TRIL: variants seen among roughly 807,000 people sequenced by gnomAD.
TRIL encodes the protein TLR4 interactor with leucine rich repeats.
In TRIL, 23 loss-of-function variants were observed where a neutral mutation model predicts 43.0. The observed-to-expected ratio is 0.54, with a 90% CI of 0.39 to 0.76. The LOEUF is 0.76. Ranked by LOEUF, TRIL falls within the 30% of genes least tolerant of loss-of-function variation. The probability of loss-of-function intolerance (pLI) is 0.00; values close to 1 mark genes in which losing one functional copy is unlikely to be tolerated. For synonymous variants in TRIL, 602 were observed against 556.8 expected, an observed-to-expected ratio of 1.08 and a Z score of -1.14; for missense variants, 1,114 against 1,139.3, an observed-to-expected ratio of 0.98 and a Z score of 0.32.
chr7:28,958,068 C>A lies in TRIL; in HGVS notation c.-22G>T. 2 of 1,477,596 alleles carry A rather than the reference C, an allele frequency of 1.4e-6. No individual in the cohort carries two copies. The highest frequency in any genetic ancestry group is 2.8e-5 in the South Asian group (2 of 70,964). 91.5% of individuals were successfully genotyped at this position (1,477,596 alleles called of 1,614,324 possible). A position where few individuals can be genotyped will look rare whatever the true frequency, so the allele number is the denominator to read the frequency against. On this transcript the variant is annotated 5_prime_UTR_variant, in exon 1 of 1. Coordinates refer to ENST00000539664, the MANE Select transcript of TRIL (RefSeq NM_014817.4). Reference sequence around the variant, plus strand: ...CCATCGCCTCCCGCCCTGCGTGCAGCGGCCGGATCGTCCTCTTGGCCCGCC... The same window carrying A: ...CCATCGCCTCCCGCCCTGCGTGCAGAGGCCGGATCGTCCTCTTGGCCCGCC...
Position 28,957,327 on chromosome 7 carries a change from G to A in TRIL, c.720C>T (p.Asn240=), listed in dbSNP as rs1332934277. ...AGATGCGCGGCCCGAGGTGCTGCAG[G>A]TTGTTGGCCGAGAGGATGAGGGAGG... ...SLSSLILSAN[N]LQHLGPRIFQ... is the part of the protein sequence containing the mutation. The change falls in exon 1 of 1, where the codon AAC becomes AAT. Residue 240 remains asparagine, a synonymous_variant. Transcript: ENST00000539664. 1.9e-6 allele frequency: 3 copies of A among 1,612,380 alleles called. No homozygotes were observed. Among genetic ancestry groups the A allele is most frequent in the Non-Finnish European group, 2.5e-6 (3 of 1,179,700 alleles).
chr7:28,957,148 A>G lies in TRIL; in HGVS notation c.899T>C (p.Leu300Pro), dbSNP rs773979253. 1 of 1,587,320 alleles carries G rather than the reference A, an allele frequency of 6.3e-7. No individual in the cohort carries two copies. The highest frequency in any genetic ancestry group is 8.5e-7 in the Non-Finnish European group (1 of 1,169,944). ...CAGGTCCAGCGCCTCCAGGCTGTGC[A>G]GAGGCTCCAGCAGCGCAGTTGGCAG... is the stretch of plus-strand genomic sequence containing the variant. ...SQLPTALLEPLHSLEALDLSG... is the reference protein window; with the variant it reads ...SQLPTALLEPPHSLEALDLSG... Residue 300 changes from leucine (L) to proline (P), a missense_variant, in exon 1 of 1, where the codon CTG becomes CCG. Transcript: ENST00000539664.
rs1456429381 is a variant in TRIL, at chr7:28,953,417, A to G, written c.*2194T>C. 6.6e-6 allele frequency: 1 copy of G among 152,634 alleles called. No homozygotes were observed. The highest frequency in any genetic ancestry group is 2.4e-5 in the African/African-American group (1 of 41,444). 9.5% of individuals were successfully genotyped at this position (152,634 alleles called of 1,614,324 possible). ...ACATAACAATGTATAACATTTATTC[A>G]TCTCCCACTGAAAGACTTCCCAGTG... On this transcript the variant is annotated 3_prime_UTR_variant, in exon 1 of 1. Coordinates refer to ENST00000539664, the MANE Select transcript of TRIL (RefSeq NM_014817.4).
Position 28,955,810 on chromosome 7 carries a change from C to A in TRIL, c.2237G>T (p.Arg746Leu). Residue 746 changes from arginine to leucine, a missense_variant, in exon 1 of 1, where the codon CGG becomes CTG. Transcript: ENST00000539664. Reference protein sequence around the residue: ...VHVRHMYSTRRPLRSMGTGVS... With the variant: ...VHVRHMYSTRLPLRSMGTGVS... ...GCCGGTGCCCATGGAGCGCAGGGGCCGTCGGGTGGAGTACATGTGCCGAAC... is the reference window on the plus strand; with the variant it reads ...GCCGGTGCCCATGGAGCGCAGGGGCAGTCGGGTGGAGTACATGTGCCGAAC... The A allele has an allele frequency of 6.5e-7, 1 of 1,549,956 alleles. No individual in the cohort carries two copies. Among genetic ancestry groups the A allele is most frequent in the South Asian group, 1.2e-5 (1 of 84,000 alleles).
In TRIL at chr7:28,955,979, G is replaced by A. The variant is rs1409682721; in HGVS notation, c.2068C>T (p.Arg690Trp). The A allele has an allele frequency of 6.4e-7, 1 of 1,551,696 alleles. No homozygotes were observed. Residue 690 changes from arginine to tryptophan, a missense_variant, in exon 1 of 1, where the codon CGG becomes TGG. Transcript: ENST00000539664. The stretch of plus-strand genomic sequence containing the variant: ...AGCAGCTGGTAGTCGACGCCGCCCC[G>A]GCTCCCGGCCTCCGGTAGGGTGACC... ...GLVTLPEAGS[R>W]GGVDYQLLTL...
In TRIL at chr7:28,957,926, A is replaced by G; in HGVS notation, c.121T>C (p.Cys41Arg). The G allele has an allele frequency of 6.2e-7, 1 of 1,611,102 alleles. No homozygotes were observed. Among genetic ancestry groups the G allele is most frequent in the South Asian group, 1.1e-5 (1 of 91,084 alleles). Residue 41 changes from cysteine (C) to arginine (R), a missense_variant, in exon 1 of 1, where the codon TGC becomes CGC. By Grantham distance (180) the Cys-to-Arg change is radical. Transcript: ENST00000539664. ...ACTACGCGGAGCCCCCTGTTGGTGC[A>G]CAGGAGATGCTGGGGATGCTGGCAG... is the stretch of plus-strand genomic sequence containing the variant. ...CDCQHPQHLL[C>R]TNRGLRVVPK...
rs937609917 is a variant in TRIL at position 28,955,875 on chromosome 7, C to G, written c.2172G>C (p.Arg724Ser). ...LAAWASRWLRRKLRARRKGGA... is the reference protein window; with the variant it reads ...LAAWASRWLRSKLRARRKGGA... ...CGCCCTTCCGCCTAGCCCGCAGTTT[C>G]CTACGCAGCCAGCGAGACGCCCAGG... The change falls in exon 1 of 1, where the codon AGG becomes AGC. Residue 724 changes from arginine (R) to serine (S), a missense_variant. Coordinates refer to ENST00000539664, the MANE Select transcript of TRIL (RefSeq NM_014817.4). 5.2e-6 allele frequency: 8 copies of G among 1,550,078 alleles called. No homozygotes were observed. The highest frequency in any genetic ancestry group is 7.0e-6 in the Non-Finnish European group (8 of 1,147,230).
rs1350655961 is a variant in TRIL at position 28,956,805 on chromosome 7, G to A, written c.1242C>T (p.Cys414=). Residue 414 remains cysteine (C), a synonymous_variant, in exon 1 of 1, where the codon TGC becomes TGT. Transcript: ENST00000539664. The stretch of plus-strand genomic sequence containing the variant: ...GGGAAGCTGAGGGCGAGGGATCCGC[G>A]CAGGATCCATTTTGCAGCTGCTGGT... ...LDDQQLQNGS[C]ADPSPSASLT... 1 of 1,611,534 alleles carries A rather than the reference G, an allele frequency of 6.2e-7. No individual in the cohort carries two copies. Among genetic ancestry groups the A allele is most frequent in the Non-Finnish European group, 8.5e-7 (1 of 1,179,118 alleles).
rs375849614 is a variant in TRIL at position 28,956,431 on chromosome 7, G to T, written c.1616C>A (p.Ala539Glu). The T allele has an allele frequency of 2.2e-4, 336 of 1,540,590 alleles. 1 individual carries two copies. The highest frequency in any genetic ancestry group is 1.0e-3 in the Middle Eastern group (6 of 5,818). ...EPTPTASPGS[A>E]PSPAGDPWQR... is the part of the protein sequence containing the mutation. ...CCAGGGGTCGCCGGCGGGCGATGGCGCAGAGCCAGGAGAGGCCGTTGGGGT... is the reference window on the plus strand; with the variant it reads ...CCAGGGGTCGCCGGCGGGCGATGGCTCAGAGCCAGGAGAGGCCGTTGGGGT... The change falls in exon 1 of 1, where the codon GCG becomes GAG. Residue 539 changes from alanine to glutamate, a missense_variant. Physicochemically the swap from Ala to Glu is moderately radical, Grantham distance 107. Coordinates refer to ENST00000539664, the MANE Select transcript of TRIL (RefSeq NM_014817.4).
At position 28,957,580 on chromosome 7, in the gene TRIL, C is replaced by A. The variant is rs751772436; in HGVS notation, c.467G>T (p.Ser156Ile). The stretch of plus-strand genomic sequence containing the variant: ...CCCGTCCAGCCGCAGCTTGACTAGA[C>A]TCTCCAGGCCCTCGAAGGAGCCGCG... ...LSRGSFEGLE[S>I]LVKLRLDGNA... is the part of the protein sequence containing the mutation. Residue 156 changes from serine to isoleucine, a missense_variant, in exon 1 of 1, where the codon AGT (serine) becomes ATT (isoleucine). By Grantham distance (142) the Ser-to-Ile change is moderately radical. Coordinates refer to ENST00000539664, the MANE Select transcript of TRIL (RefSeq NM_014817.4). The A allele has an allele frequency of 6.2e-7, 1 of 1,612,510 alleles. No homozygotes were observed. The highest frequency in any genetic ancestry group is 1.7e-5 in the Admixed American group (1 of 59,858).
In TRIL at chr7:28,956,719, G is replaced by A. The variant is rs564057976; in HGVS notation, c.1328C>T (p.Pro443Leu). ...PTAAGEEMTP[P>L]AGLAEELPPQ... ...CGGCAGCTCCTCCGCGAGACCTGCA[G>A]GTGGCGTCATCTCCTCCCCTGCGGC... Residue 443 changes from proline (P) to leucine (L), a missense_variant, in exon 1 of 1, where the codon CCT becomes CTT. Physicochemically the swap from Pro to Leu is moderately conservative, Grantham distance 98. Transcript: ENST00000539664. 50 of 1,601,290 alleles carry A rather than the reference G, an allele frequency of 3.1e-5. No homozygotes were observed. In the Admixed American group the frequency reaches 6.4e-4, roughly 20 times the overall value.
Position 28,957,768 on chromosome 7 carries a change from G to C in TRIL, c.279C>G (p.Asn93Lys), listed in dbSNP as rs1307549270. ...TCTTGGGGTGCAGAGAGCGGATCTG[G>C]TTGTACTGCAGGTCCAGCCGTCTGA... Reference protein sequence around the residue: ...GQLRRLDLQYNQIRSLHPKTF... With the variant: ...GQLRRLDLQYKQIRSLHPKTF... The change falls in exon 1 of 1, where the codon AAC becomes AAG. Residue 93 changes from asparagine (N) to lysine (K), a missense_variant. Coordinates refer to ENST00000539664, the MANE Select transcript of TRIL (RefSeq NM_014817.4). 1 of 1,613,878 alleles carries C rather than the reference G, an allele frequency of 6.2e-7. No individual in the cohort carries two copies. Among genetic ancestry groups the C allele is most frequent in the East Asian group, 2.2e-5 (1 of 44,880 alleles).
chr7:28,957,995 C>G lies in TRIL; in HGVS notation c.52G>C (p.Ala18Pro), dbSNP rs1468538268. 7 of 1,596,822 alleles carry G rather than the reference C, an allele frequency of 4.4e-6. No homozygotes were observed. The South Asian group carries it at 7.7e-5, about 18-fold the overall frequency. ...RLLLVVCGCL[A>P]LPPLAEPVCP... ...ACGGGCTCGGCCAGCGGCGGGAGCG[C>G]GAGGCAGCCGCACACCACGAGCAGG... Residue 18 changes from alanine (A) to proline (P), a missense_variant, in exon 1 of 1, where the codon GCG (alanine) becomes CCG (proline). Physicochemically the swap from Ala to Pro is conservative, Grantham distance 27. Transcript: ENST00000539664.
At position 28,958,216 on chromosome 7, in the gene TRIL, G is replaced by A. The variant is rs1452377942; in HGVS notation, c.-170C>T. On this transcript the variant is annotated 5_prime_UTR_variant, in exon 1 of 1. Coordinates refer to ENST00000539664, the MANE Select transcript of TRIL (RefSeq NM_014817.4). ...TGTCCGGAGGCCGGCCCGGGTCTCT[G>A]CAGGCGGGCTTCGCCCGGCCAAGTC... 6 of 1,014,260 alleles carry A rather than the reference G, an allele frequency of 5.9e-6. No individual in the cohort carries two copies. The highest frequency in any genetic ancestry group is 3.6e-5 in the Admixed American group (1 of 27,860). The allele number at this position is 1,014,260 out of a possible 1,614,324, so 62.8% of individuals were successfully genotyped here.
Position 28,957,275 on chromosome 7 carries a change from G to A in TRIL, c.772C>T (p.Leu258Phe). ...IFQHLPRLGL[L>F]SLRGNQLTHL... is the part of the protein sequence containing the mutation. ...GTGAGCTGGTTGCCCCTGAGCGAGA[G>A]CAGGCCGAGACGTGGCAGGTGCTGG... Residue 258 changes from leucine (L) to phenylalanine (F), a missense_variant, in exon 1 of 1, where the codon CTC becomes TTC. By Grantham distance (22) the Leu-to-Phe change is conservative (BLOSUM62 0). Coordinates refer to ENST00000539664, the MANE Select transcript of TRIL (RefSeq NM_014817.4). 2 of 1,610,466 alleles carry A rather than the reference G, an allele frequency of 1.2e-6. No homozygotes were observed. Among genetic ancestry groups the A allele is most frequent in the Non-Finnish European group, 1.7e-6 (2 of 1,179,774 alleles).
In TRIL at chr7:28,955,993, G is replaced by C; in HGVS notation, c.2054C>G (p.Pro685Arg). The C allele has an allele frequency of 6.4e-7, 1 of 1,552,258 alleles. No individual in the cohort carries two copies. The highest frequency in any genetic ancestry group is 2.4e-5 in the East Asian group (1 of 41,636). The change falls in exon 1 of 1, where the codon CCG becomes CGG. Residue 685 changes from proline (P) to arginine (R), a missense_variant. Coordinates refer to ENST00000539664, the MANE Select transcript of TRIL (RefSeq NM_014817.4). ...RDHCAGLVTL[P>R]EAGSRGGVDY... ...GACGCCGCCCCGGCTCCCGGCCTCCGGTAGGGTGACCAGCCCCGCGCAGTG... is the reference window on the plus strand; with the variant it reads ...GACGCCGCCCCGGCTCCCGGCCTCCCGTAGGGTGACCAGCCCCGCGCAGTG...
chr7:28,955,535 C>T lies in TRIL; in HGVS notation c.*76G>A. ...TGGCAAGTGCACAAAACGGCACTTC[C>T]CCTGAGGTGGGCTGGTGGGCCTCAC... On this transcript the variant is annotated 3_prime_UTR_variant, in exon 1 of 1. Coordinates refer to ENST00000539664, the MANE Select transcript of TRIL (RefSeq NM_014817.4). The T allele has an allele frequency of 6.9e-7, 1 of 1,441,018 alleles. No homozygotes were observed. 89.3% of individuals were successfully genotyped at this position (1,441,018 alleles called of 1,614,324 possible). A position where few individuals can be genotyped will look rare whatever the true frequency, so the allele number is the denominator to read the frequency against.
Position 28,957,506 on chromosome 7 carries a change from G to C in TRIL, c.541C>G (p.Leu181Val), listed in dbSNP as rs1783425495. ...PDAVFAPLGN[L>V]LYLHLESNRI... is the part of the protein sequence containing the mutation. ...TTGGACTCCAGATGTAGGTAGAGCAGGTTGCCCAAGGGAGCGAAGACCGCG... is the reference window on the plus strand; with the variant it reads ...TTGGACTCCAGATGTAGGTAGAGCACGTTGCCCAAGGGAGCGAAGACCGCG... The change falls in exon 1 of 1, where the codon CTG becomes GTG. Residue 181 changes from leucine to valine, a missense_variant. Physicochemically the swap from Leu to Val is conservative, Grantham distance 32 (BLOSUM62 1). Transcript: ENST00000539664. 6.2e-7 allele frequency: 1 copy of C among 1,613,266 alleles called. No individual in the cohort carries two copies. The highest frequency in any genetic ancestry group is 2.2e-5 in the East Asian group (1 of 44,872).
chr7:28,953,376 T>G lies in TRIL; in HGVS notation c.*2235A>C, dbSNP rs554669041. 5 of 152,830 alleles carry G rather than the reference T, an allele frequency of 3.3e-5. No individual in the cohort carries two copies. In the South Asian group the frequency reaches 1.0e-3, roughly 32 times the overall value. 9.5% of individuals were successfully genotyped at this position (152,830 alleles called of 1,614,324 possible). A position where few individuals can be genotyped will look rare whatever the true frequency, so the allele number is the denominator to read the frequency against. ...CAACAAATTATCTCTATTAGTGGGT[T>G]TATTGACATAACTGGACATAACAAT... is the stretch of plus-strand genomic sequence containing the variant. On this transcript the variant is annotated 3_prime_UTR_variant, in exon 1 of 1. Coordinates refer to ENST00000539664, the MANE Select transcript of TRIL (RefSeq NM_014817.4).
Sources: allele counts gnomAD v4.1 joint callset, GRCh38; gene constraint gnomAD v4.1.1; transcripts MANE v1.5; gene names NCBI Gene and HGNC (gene_info 2026-07-23, HGNC 2026-07-21).